Variants in SUGCT observed in about 807,000 individuals in gnomAD.
SUGCT encodes succinyl-CoA:glutarate-CoA transferase, also known as succinyl-CoA:glutarate CoA-transferase.
A neutral mutation model predicts 55.0 loss-of-function variants in SUGCT; 41 were observed. That is an observed-to-expected ratio of 0.74 (90% confidence interval 0.58 to 0.97). The LOEUF is 0.97. SUGCT is among the 50% of genes least tolerant of loss of function. SUGCT has a pLI of 0.00. For synonymous variants in SUGCT, 187 were observed against 200.4 expected, an observed-to-expected ratio of 0.93 and a Z score of 0.56; for missense variants, 568 against 547.8, an observed-to-expected ratio of 1.04 and a Z score of -0.37.
chr7:40,145,892 C>G (rs1788220017), intron 1 of SUGCT, among the ~76,000 whole-genome samples: 1 of 152,202 alleles, frequency 6.6e-6, no homozygotes, highest in South Asian at 2.1e-4. Context: ...CTTTTTCCCT[C>G]AATCACCTGG....
At chr7:40,438,199 C>G (rs1374567771) in intron 9 of SUGCT, among the ~76,000 whole-genome samples, 2 of 152,122 alleles carry the variant, frequency 1.3e-5, no homozygotes, top group Non-Finnish European at 2.9e-5. Flanking sequence ...TTGACCTTCT[C>G]AATTCCCCGC....
At chr7:40,732,588 G>A (rs996152092) in intron 12 of SUGCT, among the ~76,000 whole-genome samples, 2 of 152,126 alleles carry the variant, frequency 1.3e-5, no homozygotes, top group Admixed American at 6.5e-5. Flanking sequence ...CCAAACCAGA[G>A]TGGCAGTGTC....
chr7:40,843,468 C>A (rs1793383157), intron 13 of SUGCT, among the ~76,000 whole-genome samples: 1 of 149,396 alleles, frequency 6.7e-6, no homozygotes, highest in African/African-American at 2.5e-5. Context: ...TGAGATCACG[C>A]CACTGCACTC....
intron 12 of SUGCT, chr7:40,683,912 TA>T: frequency 8.2e-7 from 1 of 1,215,750 alleles, no homozygotes; most frequent in Non-Finnish European, 1.1e-6. Flanking sequence ...CTCACCAGGC[TA>T]AAATCAAGGT....
At chr7:40,583,458 G>A (rs1047562147) in intron 12 of SUGCT, among the ~76,000 whole-genome samples, 5 of 151,630 alleles carry the variant, frequency 3.3e-5, no homozygotes, top group African/African-American at 9.7e-5. Flanking sequence ...TATCCTTTCC[G>A]TTGGTAGTTT....
intron 9 of SUGCT, among the ~76,000 whole-genome samples, chr7:40,397,944 G>C (rs1785834350): frequency 6.6e-6 from 1 of 152,162 alleles, no homozygotes; most frequent in Admixed American, 6.5e-5. Context: ...ATCTCTGACT[G>C]AGGTCTTGCT....
chr7:40,613,713 C>T (rs188546396), intron 12 of SUGCT, among the ~76,000 whole-genome samples: 24 of 152,112 alleles, frequency 1.6e-4, no homozygotes, highest in Non-Finnish European at 2.4e-4. Context: ...CGGGTTCAAG[C>T]GATTCTCCTG....
At chr7:40,827,637 C>T (rs572501311) in intron 13 of SUGCT, among the ~76,000 whole-genome samples, 4 of 152,124 alleles carry the variant, frequency 2.6e-5, no homozygotes, top group Non-Finnish European at 5.9e-5. Context: ...TCCTCCGGGG[C>T]GTGTCCAGGC....
At chr7:40,528,214 A>G (rs1277311836) in intron 12 of SUGCT, among the ~76,000 whole-genome samples, 2 of 152,168 alleles carry the variant, frequency 1.3e-5, no homozygotes, top group African/African-American at 2.4e-5. Context: ...TAGATGCTCA[A>G]TCAGTGTTGG....
intron 13 of SUGCT, among the ~76,000 whole-genome samples, chr7:40,847,398 C>A (rs1054556342): frequency 1.7e-4 from 23 of 133,308 alleles, no homozygotes; most frequent in African/African-American, 5.2e-4. Context: ...ATATACATTT[C>A]TTTTCTTTCT....
chr7:40,334,494 G>C (rs1213241206), intron 9 of SUGCT, among the ~76,000 whole-genome samples: 6 of 152,182 alleles, frequency 3.9e-5, no homozygotes, highest in Non-Finnish European at 8.8e-5. Flanking sequence ...GCATTTCTCT[G>C]ATGGCCAGTG....
chr7:40,509,331 C>T (rs1792796075), intron 12 of SUGCT, among the ~76,000 whole-genome samples: 1 of 152,144 alleles, frequency 6.6e-6, no homozygotes, highest in Admixed American at 6.5e-5. Context: ...CTACTGTGCA[C>T]TTCCGCAGCC....
At chr7:40,216,644 G>T (rs1787668014) in intron 6 of SUGCT, among the ~76,000 whole-genome samples, 1 of 151,902 alleles carries the variant, frequency 6.6e-6, no homozygotes, top group Non-Finnish European at 1.5e-5. Context: ...CTGAGGTCAG[G>T]AGTTCCAGAT....
intron 9 of SUGCT, among the ~76,000 whole-genome samples, chr7:40,377,996 T>C (rs1301445708): frequency 1.3e-5 from 2 of 152,222 alleles, no homozygotes; most frequent in Non-Finnish European, 2.9e-5. Context: ...AATGAATTGC[T>C]TCTCTCCTGC....
chr7:40,536,226 A>G (rs1177468595), intron 12 of SUGCT, among the ~76,000 whole-genome samples: 2 of 152,142 alleles, frequency 1.3e-5, no homozygotes, highest in Admixed American at 1.3e-4. Context: ...TTGAGAGAGG[A>G]AGACATTTCA....
chr7:40,548,341 A>G (rs1019680281), intron 12 of SUGCT, among the ~76,000 whole-genome samples: 2 of 151,634 alleles, frequency 1.3e-5, no homozygotes, highest in Admixed American at 1.3e-4. Flanking sequence ...GGCACACCCC[A>G]TGGCACACTG....
intron 12 of SUGCT, among the ~76,000 whole-genome samples, chr7:40,688,305 C>G (rs961424879): frequency 6.6e-6 from 1 of 152,182 alleles, no homozygotes; most frequent in East Asian, 1.9e-4. Context: ...TCTCTGTTAC[C>G]AGAAATTTAA....
At chr7:40,314,481 A>G (rs1460224751) in intron 8 of SUGCT, among the ~76,000 whole-genome samples, 1 of 151,802 alleles carries the variant, frequency 6.6e-6, no homozygotes, top group Non-Finnish European at 1.5e-5. Context: ...ATCTGAAAAG[A>G]GACCTGAGAA....
chr7:40,952,294 T>A, the SUGCT span, among the ~76,000 whole-genome samples: 2 of 152,188 alleles, frequency 1.3e-5, no homozygotes, highest in Non-Finnish European at 2.9e-5. Context: ...TTTTTTATTT[T>A]CCCTTTGCTT....
Sources: gnomAD v4.1 joint callset for allele counts (sites outside exome capture counted in the v4.1 genomes callset) on GRCh38, gnomAD v4.1.1 for gene constraint, MANE v1.5 for transcripts, NCBI Gene and HGNC (gene_info 2026-07-23, HGNC 2026-07-21) for gene names.